SPATA16: variants seen among roughly 807,000 people sequenced by gnomAD.
SPATA16 encodes the protein spermatogenesis-associated protein 16.
Under a neutral mutation model 63.3 loss-of-function variants are expected in SPATA16, and 36 were observed. The ratio of observed to expected loss-of-function variants is 0.57; its 90% CI spans 0.44 to 0.75. The LOEUF (loss-of-function observed/expected upper bound fraction) is 0.75, where lower values mean the gene tolerates loss of function less well. SPATA16 is among the 30% of genes least tolerant of loss of function. SPATA16 has a pLI of 0.00. For synonymous variants in SPATA16, 203 were observed against 216.7 expected, an observed-to-expected ratio of 0.94 and a Z score of 0.56; for missense variants, 646 against 679.3, an observed-to-expected ratio of 0.95 and a Z score of 0.54.
intron 10 of SPATA16, among the ~76,000 whole-genome samples, chr3:172,894,102 C>G (rs1442710865): frequency 6.6e-6 from 1 of 152,042 alleles, no homozygotes; most frequent in Non-Finnish European, 1.5e-5. Context: ...GACCAAAATC[C>G]TCTCGGTAAA....
At chr3:172,899,270 T>A (rs978046544) in intron 10 of SPATA16, among the ~76,000 whole-genome samples, 1 of 152,074 alleles carries the variant, frequency 6.6e-6, no homozygotes, top group African/African-American at 2.4e-5. Flanking sequence ...ATTTTTTCTT[T>A]TAGTCCCATC....
At chr3:172,912,481 G>A (rs1191573992) in intron 10 of SPATA16, among the ~76,000 whole-genome samples, 1 of 151,902 alleles carries the variant, frequency 6.6e-6, no homozygotes, top group East Asian at 1.9e-4. Context: ...GGACTCTTGA[G>A]CAACATGGGT....
chr3:172,916,564 T>A (rs751165601), intron 8 of SPATA16, 83 bp from the exon 9 acceptor site: 1 of 1,402,216 alleles, frequency 7.1e-7, no homozygotes. Context: ...GGGCTTGTGA[T>A]AACGTATTTA....
intron 2 of SPATA16, among the ~76,000 whole-genome samples, chr3:173,093,571 A>C (rs1414856435): frequency 6.6e-6 from 1 of 152,192 alleles, no homozygotes; most frequent in Non-Finnish European, 1.5e-5. Flanking sequence ...AAACTTCTAA[A>C]AGATTACTAT....
intron 1 of SPATA16, among the ~76,000 whole-genome samples, chr3:173,126,864 A>C (rs7650081): frequency 0.35 from 52,574 of 151,966 alleles, 9,792 homozygotes; most frequent in African/African-American, 0.48. Flanking sequence ...TTGTTGTCAC[A>C]ATTTCCAAAT....
At chr3:173,051,154 T>C (rs1468034956) in intron 2 of SPATA16, among the ~76,000 whole-genome samples, 1 of 152,226 alleles carries the variant, frequency 6.6e-6, no homozygotes, top group Non-Finnish European at 1.5e-5. Context: ...TATGTAGTTT[T>C]ATTTATCCAT....
chr3:173,121,230 C>T (rs1422842656), intron 1 of SPATA16, among the ~76,000 whole-genome samples: 1 of 150,242 alleles, frequency 6.7e-6, no homozygotes, highest in Non-Finnish European at 1.5e-5. Flanking sequence ...TAAAAATTGT[C>T]ACACATGTAC....
At chr3:173,098,890 A>G (rs1251504136) in intron 2 of SPATA16, among the ~76,000 whole-genome samples, 2 of 152,230 alleles carry the variant, frequency 1.3e-5, no homozygotes, top group Non-Finnish European at 2.9e-5. Flanking sequence ...TGAGTTAAAA[A>G]GAAAGAGATA....
intron 3 of SPATA16, among the ~76,000 whole-genome samples, chr3:173,046,875 T>A (rs1735967843): frequency 6.6e-6 from 1 of 152,036 alleles, no homozygotes; most frequent in Admixed American, 6.6e-5. Context: ...TTATTTCACT[T>A]GATGCATTAT....
intron 10 of SPATA16, among the ~76,000 whole-genome samples, chr3:172,900,368 C>A (rs1441747009): frequency 1.3e-5 from 2 of 152,180 alleles, no homozygotes; most frequent in Non-Finnish European, 2.9e-5. Flanking sequence ...AGAAGTTTGA[C>A]TATGATGTAT....
chr3:173,114,179 CAAA>C (rs34754459), intron 2 of SPATA16, among the ~76,000 whole-genome samples: 10 of 66,262 alleles, frequency 1.5e-4, no homozygotes, highest in Admixed American at 6.9e-4. Flanking sequence ...GACTCCATCT[CAAA>C]AAAAAAAAAA....
intron 3 of SPATA16, among the ~76,000 whole-genome samples, chr3:173,031,896 A>C (rs555874533): frequency 6.6e-6 from 1 of 152,268 alleles, no homozygotes; most frequent in Admixed American, 6.5e-5. Flanking sequence ...ATTGAGAAAA[A>C]GAACTGCTTT....
chr3:172,908,460 A>AT (rs1437047009), intron 10 of SPATA16, among the ~76,000 whole-genome samples: 6 of 152,228 alleles, frequency 3.9e-5, no homozygotes, highest in Non-Finnish European at 7.3e-5. Context: ...TAAAGAATAT[A>AT]TTTCCATTCT....
intron 4 of SPATA16, among the ~76,000 whole-genome samples, chr3:172,992,611 C>T (rs544657404): frequency 6.6e-6 from 1 of 152,220 alleles, no homozygotes; most frequent in Admixed American, 6.5e-5. Context: ...CATGATGACT[C>T]TGCTTCTTAC....
At chr3:172,995,141 A>C (rs545668908) in intron 4 of SPATA16, among the ~76,000 whole-genome samples, 51 of 152,214 alleles carry the variant, frequency 3.4e-4, no homozygotes, top group Middle Eastern at 6.8e-3. Context: ...AAAAAAGTAA[A>C]GGGGATAGAA....
chr3:173,026,714 T>G (rs1735461748), intron 3 of SPATA16, among the ~76,000 whole-genome samples: 1 of 151,996 alleles, frequency 6.6e-6, no homozygotes, highest in African/African-American at 2.4e-5. Context: ...GACATGATTA[T>G]CAAAAATCAA....
chr3:172,957,945 C>G (rs1162394706), intron 5 of SPATA16, among the ~76,000 whole-genome samples: 1 of 152,122 alleles, frequency 6.6e-6, no homozygotes, highest in African/African-American at 2.4e-5. Flanking sequence ...AAAAGAGCAG[C>G]TTTGCAATTA....
At chr3:173,132,054 CTAAT>C (rs1482512543) in intron 1 of SPATA16, among the ~76,000 whole-genome samples, 1 of 146,244 alleles carries the variant, frequency 6.8e-6, no homozygotes, top group East Asian at 2.0e-4. Flanking sequence ...TAAAACAACT[CTAAT>C]TACTATATTT....
intron 8 of SPATA16, among the ~76,000 whole-genome samples, chr3:172,917,129 C>T (rs942648591): frequency 6.6e-6 from 1 of 152,134 alleles, no homozygotes; most frequent in African/African-American, 2.4e-5. Context: ...ACTGCCAACT[C>T]CCATGGCATT....
Sources: allele counts gnomAD v4.1 joint callset (sites outside exome capture counted in the v4.1 genomes callset), GRCh38; gene constraint gnomAD v4.1.1; transcripts MANE v1.5; gene names NCBI Gene and HGNC (gene_info 2026-07-23, HGNC 2026-07-21).